The following KCTD8 variants were observed in gnomAD, a reference collection of about 807,000 sequenced individuals.
KCTD8 encodes potassium channel tetramerization domain containing 8.
A neutral mutation model predicts 31.5 loss-of-function variants in KCTD8; 27 were observed. The observed-to-expected ratio is 0.86, with a 90% CI of 0.63 to 1.18. The LOEUF (loss-of-function observed/expected upper bound fraction) is 1.18. Among genes scored for constraint, KCTD8 ranks in the 50% most tolerant of loss-of-function variants. KCTD8 has a pLI of 0.00. For synonymous variants in KCTD8, 290 were observed against 280.0 expected (o/e 1.04, Z -0.36); for missense variants, 658 against 647.7 (o/e 1.02, Z -0.17).
chr4:44,184,579 G>C (rs1406048858), intron 1 of KCTD8, among the ~76,000 whole-genome samples: 1 of 152,092 alleles, frequency 6.6e-6, no homozygotes, highest in Non-Finnish European at 1.5e-5. Flanking sequence ...CCTACTCATA[G>C]TGTGGCTCTC....
intron 1 of KCTD8, among the ~76,000 whole-genome samples, chr4:44,220,083 C>T (rs1403024573): frequency 6.6e-6 from 1 of 152,004 alleles, no homozygotes; most frequent in Admixed American, 6.6e-5. Flanking sequence ...AGGACAGAGC[C>T]CTTCTTTATA....
At chr4:44,404,381 G>T (rs1448055766) in intron 1 of KCTD8, among the ~76,000 whole-genome samples, 10 of 152,100 alleles carry the variant, frequency 6.6e-5, no homozygotes, top group African/African-American at 2.4e-4. Context: ...AGGGTTATAT[G>T]TAAGAAGTTT....
At chr4:44,303,031 G>T (rs1014810301) in intron 1 of KCTD8, among the ~76,000 whole-genome samples, 1 of 152,096 alleles carries the variant, frequency 6.6e-6, no homozygotes, top group Non-Finnish European at 1.5e-5. Context: ...TTATTTATTT[G>T]TGCATATTGA....
intron 1 of KCTD8, among the ~76,000 whole-genome samples, chr4:44,397,246 G>A (rs1445202106): frequency 6.6e-6 from 1 of 152,092 alleles, no homozygotes; most frequent in Non-Finnish European, 1.5e-5. Flanking sequence ...AGCCCCTTTT[G>A]TAGATCACAA....
intron 1 of KCTD8, among the ~76,000 whole-genome samples, chr4:44,397,201 T>A (rs1720526719): frequency 6.6e-6 from 1 of 152,188 alleles, no homozygotes; most frequent in South Asian, 2.1e-4. Context: ...AATCAGTTTC[T>A]ATAAAAATGA....
At chr4:44,336,690 G>T (rs1718754935) in intron 1 of KCTD8, among the ~76,000 whole-genome samples, 1 of 151,932 alleles carries the variant, frequency 6.6e-6, no homozygotes, top group Non-Finnish European at 1.5e-5. Flanking sequence ...GAAAAAATCA[G>T]CAACTTTTCT....
chr4:44,444,063 G>C (rs1429165488), intron 1 of KCTD8, among the ~76,000 whole-genome samples: 1 of 152,070 alleles, frequency 6.6e-6, no homozygotes, highest in African/African-American at 2.4e-5. Context: ...GATAAACAAT[G>C]AGTTAAGACT....
intron 1 of KCTD8, among the ~76,000 whole-genome samples, chr4:44,223,036 A>G (rs774048498): frequency 6.6e-6 from 1 of 152,226 alleles, no homozygotes; most frequent in Non-Finnish European, 1.5e-5. Context: ...TTCATTATGT[A>G]GAGAATGCAA....
At chr4:44,291,196 T>C (rs1717262038) in intron 1 of KCTD8, among the ~76,000 whole-genome samples, 1 of 151,982 alleles carries the variant, frequency 6.6e-6, no homozygotes, top group Non-Finnish European at 1.5e-5. Flanking sequence ...TGAACACTAA[T>C]TAGGAAGTCT....
intron 1 of KCTD8, among the ~76,000 whole-genome samples, chr4:44,297,576 T>C (rs184849062): frequency 3.9e-5 from 6 of 152,260 alleles, no homozygotes; most frequent in Admixed American, 3.3e-4. Context: ...TGAAAAATAA[T>C]GTCCCTGCTA....
chr4:44,262,956 G>A (rs1716225381), intron 1 of KCTD8, among the ~76,000 whole-genome samples: 2 of 152,098 alleles, frequency 1.3e-5, no homozygotes, highest in Non-Finnish European at 2.9e-5. Flanking sequence ...AGAATCGCTA[G>A]TATTATGAAA....
At chr4:44,333,941 A>G (rs1407016167) in intron 1 of KCTD8, among the ~76,000 whole-genome samples, 1 of 152,170 alleles carries the variant, frequency 6.6e-6, no homozygotes, top group Non-Finnish European at 1.5e-5. Flanking sequence ...CATAAAAGGT[A>G]TAATCAAAAT....
At chr4:44,441,475 A>G (rs1435330330) in intron 1 of KCTD8, among the ~76,000 whole-genome samples, 2 of 152,134 alleles carry the variant, frequency 1.3e-5, no homozygotes, top group Non-Finnish European at 2.9e-5. Flanking sequence ...TAAAATTTTG[A>G]GTTCACTCAT....
At chr4:44,363,392 A>T (rs910878873) in intron 1 of KCTD8, among the ~76,000 whole-genome samples, 3 of 152,182 alleles carry the variant, frequency 2.0e-5, no homozygotes, top group African/African-American at 7.2e-5. Flanking sequence ...CAGGGTAAGG[A>T]TCAGGAGGAG....
In KCTD8 at chr4:44,344,224, G is replaced by A. The variant is rs190031455; in HGVS notation, c.961+103339C>T. Among the ~76,000 whole-genome samples, 38 of 151,514 alleles carry A rather than the reference G, an allele frequency of 2.5e-4. No homozygotes were observed. The East Asian group carries it at 5.9e-3, about 23-fold the overall frequency. The stretch of plus-strand genomic sequence containing the variant: ...TTTAGAGACAAGGTCTCACTCTGTC[G>A]CCCAGGCTGCAGTGCAGTGTTAAAA... On this transcript the variant is annotated intron_variant, in intron 1 of 1. Transcript: ENST00000360029.
intron 1 of KCTD8, among the ~76,000 whole-genome samples, chr4:44,438,811 T>A (rs1721746232): frequency 6.6e-6 from 1 of 152,190 alleles, no homozygotes; most frequent in African/African-American, 2.4e-5. Context: ...AATTAGTAAG[T>A]GGCAAAAGCT....
At chr4:44,332,916 A>G (rs1718627939) in intron 1 of KCTD8, among the ~76,000 whole-genome samples, 1 of 152,068 alleles carries the variant, frequency 6.6e-6, no homozygotes, top group African/African-American at 2.4e-5. Flanking sequence ...GTTTACAGGC[A>G]TTGTCAAATG....
At chr4:44,193,578 G>A (rs144724218) in intron 1 of KCTD8, among the ~76,000 whole-genome samples, 1,840 of 151,220 alleles carry the variant, frequency 0.012, 45 homozygotes, top group African/African-American at 0.042. Context: ...CTATACTTGA[G>A]TATTATCATT....
chr4:44,439,587 A>G (rs1721765318), intron 1 of KCTD8, among the ~76,000 whole-genome samples: 1 of 152,174 alleles, frequency 6.6e-6, no homozygotes, highest in Non-Finnish European at 1.5e-5. Flanking sequence ...TTGTAATATT[A>G]TTAAACAGTA....
Sources: allele counts gnomAD v4.1 joint callset (sites outside exome capture counted in the v4.1 genomes callset), GRCh38; gene constraint gnomAD v4.1.1; transcripts MANE v1.5; gene names NCBI Gene and HGNC (gene_info 2026-07-23, HGNC 2026-07-21).